C8orf34: variants seen among roughly 807,000 people sequenced by gnomAD.
C8orf34 encodes the protein chromosome 8 open reading frame 34.
In C8orf34, 65 loss-of-function variants were observed where a neutral mutation model predicts 68.3. The observed-to-expected ratio is 0.95, with a 90% CI of 0.78 to 1.17. The LOEUF (loss-of-function observed/expected upper bound fraction) is 1.17. Among genes scored for constraint, C8orf34 ranks in the 50% most tolerant of loss-of-function variants. The probability of loss-of-function intolerance (pLI) is 0.00; values close to 1 mark genes in which losing one functional copy is unlikely to be tolerated. For missense variants in C8orf34, 664 were observed against 655.4 expected, an observed-to-expected ratio of 1.01 and a Z score of -0.14; for synonymous variants, 244 against 241.2, an observed-to-expected ratio of 1.01 and a Z score of -0.11.
At chr8:68,556,907 C>G (rs199973392) in intron 7 of C8orf34, among the ~76,000 whole-genome samples, 1 of 152,020 alleles carries the variant, frequency 6.6e-6, no homozygotes, top group African/African-American at 2.4e-5. Flanking sequence ...CATTCTTTCA[C>G]AAACCATATT....
chr8:68,780,042 CACTT>C (rs1311450873), intron 11 of C8orf34, among the ~76,000 whole-genome samples: 5 of 152,096 alleles, frequency 3.3e-5, no homozygotes, highest in East Asian at 1.9e-4. Context: ...ATTAAACCCT[CACTT>C]ACATAGTCAT....
At chr8:68,590,840 A>G (rs1027554940) in intron 7 of C8orf34, among the ~76,000 whole-genome samples, 8 of 152,146 alleles carry the variant, frequency 5.3e-5, no homozygotes, top group African/African-American at 1.7e-4. Flanking sequence ...CTGGCCAGCG[A>G]TATCAGGGAT....
intron 3 of C8orf34, among the ~76,000 whole-genome samples, chr8:68,463,786 G>A (rs1042229307): frequency 2.6e-5 from 4 of 152,078 alleles, no homozygotes; most frequent in African/African-American, 9.7e-5. Context: ...TTGATGGGAC[G>A]TATCTCAAAA....
chr8:68,430,126 T>C (rs1810392078), intron 1 of C8orf34, among the ~76,000 whole-genome samples: 2 of 152,014 alleles, frequency 1.3e-5, no homozygotes, highest in African/African-American at 4.8e-5. Flanking sequence ...CAATCACCAA[T>C]GGCCAATGAT....
intron 1 of C8orf34, among the ~76,000 whole-genome samples, chr8:68,365,037 G>A (rs1445199136): frequency 1.3e-5 from 2 of 150,888 alleles, no homozygotes; most frequent in Non-Finnish European, 3.0e-5. Context: ...GAATCAAATA[G>A]ACACAATAAA....
chr8:68,558,181 C>T (rs1392640900), intron 7 of C8orf34, among the ~76,000 whole-genome samples: 3 of 151,902 alleles, frequency 2.0e-5, no homozygotes, highest in African/African-American at 7.3e-5. Flanking sequence ...TTATATTAAC[C>T]CTCAGCATTT....
chr8:68,692,199 A>G (rs1435738508), intron 8 of C8orf34, among the ~76,000 whole-genome samples: 14 of 152,026 alleles, frequency 9.2e-5, no homozygotes, highest in Non-Finnish European at 1.0e-4. Flanking sequence ...AAGAGAAGGA[A>G]CTACAAGGAG....
At chr8:68,702,935 G>A (rs1225050207) in intron 8 of C8orf34, among the ~76,000 whole-genome samples, 1 of 152,010 alleles carries the variant, frequency 6.6e-6, no homozygotes, top group Non-Finnish European at 1.5e-5. Context: ...CTGCTACTTG[G>A]TCCTATTTTC....
At chr8:68,471,880 T>C (rs1451093098) in intron 4 of C8orf34, among the ~76,000 whole-genome samples, 1 of 151,600 alleles carries the variant, frequency 6.6e-6, no homozygotes, top group African/African-American at 2.4e-5. Context: ...CTCAAAATGA[T>C]AGTTATTTCA....
chr8:68,419,839 A>C (rs2591023), intron 1 of C8orf34, among the ~76,000 whole-genome samples: 2 of 94,346 alleles, frequency 2.1e-5, no homozygotes, highest in Non-Finnish European at 4.0e-5. Context: ...GGGGTGGGGG[A>C]AGGGGGGAGG....
chr8:68,519,639 T>C (rs1867635), intron 5 of C8orf34, among the ~76,000 whole-genome samples: 3,265 of 152,270 alleles, frequency 0.021, 124 homozygotes, highest in African/African-American at 0.074. Flanking sequence ...TTTATGATTA[T>C]TGATTTTCAT....
intron 12 of C8orf34, among the ~76,000 whole-genome samples, chr8:68,793,101 T>C (rs978838330): frequency 2.6e-5 from 4 of 152,110 alleles, no homozygotes; most frequent in African/African-American, 9.7e-5. Flanking sequence ...TAATGGAAAG[T>C]TTTAATTCTC....
intron 9 of C8orf34, among the ~76,000 whole-genome samples, chr8:68,718,612 T>G (rs1483482175): frequency 6.6e-6 from 1 of 152,202 alleles, no homozygotes; most frequent in Non-Finnish European, 1.5e-5. Flanking sequence ...TATTGTGAGT[T>G]TATGTCAACT....
At chr8:68,668,051 CAG>C (rs1216289158) in intron 8 of C8orf34, among the ~76,000 whole-genome samples, 3 of 151,998 alleles carry the variant, frequency 2.0e-5, no homozygotes, top group Non-Finnish European at 2.9e-5. Flanking sequence ...ATTGACAGCT[CAG>C]AAATTCTAGA....
intron 1 of C8orf34, among the ~76,000 whole-genome samples, chr8:68,421,098 T>G (rs1242280352): frequency 6.6e-6 from 1 of 152,118 alleles, no homozygotes; most frequent in East Asian, 1.9e-4. Flanking sequence ...AAAAACCACA[T>G]GTAAACATAT....
chr8:68,518,576 A>C lies in C8orf34; in HGVS notation c.766-3223A>C, dbSNP rs146112496. Among the ~76,000 whole-genome samples the C allele has an allele frequency of 2.0e-5, 3 of 152,238 alleles. No individual in the cohort carries two copies. In the East Asian group the frequency reaches 5.8e-4, roughly 29 times the overall value. ...TCATAGTCCAAGGTAGATTTTGTGAACATTCTGTTGTTGGCTTTTGATTTA... is the reference window on the plus strand; with the variant it reads ...TCATAGTCCAAGGTAGATTTTGTGACCATTCTGTTGTTGGCTTTTGATTTA... On this transcript the variant is annotated intron_variant, in intron 5 of 13. Transcript: ENST00000518698.
intron 3 of C8orf34, among the ~76,000 whole-genome samples, chr8:68,461,224 G>C (rs1811807142): frequency 6.6e-6 from 1 of 152,214 alleles, no homozygotes; most frequent in African/African-American, 2.4e-5. Context: ...AATGAAGTGA[G>C]AAGGGAAATT....
chr8:68,468,737 C>T lies in C8orf34; in HGVS notation c.653C>T (p.Pro218Leu). The T allele has an allele frequency of 6.2e-7, 1 of 1,612,730 alleles. No homozygotes were observed. Among genetic ancestry groups the T allele is most frequent in the Non-Finnish European group, 8.5e-7 (1 of 1,179,218 alleles). The change falls in exon 4 of 14, where the codon CCA (proline) becomes CTA (leucine). Residue 218 changes from proline (P) to leucine (L), a missense_variant. Physicochemically the swap from Pro to Leu is moderately conservative, Grantham distance 98 (BLOSUM62 -3). Coordinates refer to ENST00000518698, the MANE Select transcript of C8orf34 (RefSeq NM_052958.4). ...EHPKWNWRTK[P>L]QSRDFDELNH... is the part of the protein sequence containing the mutation. ...CCAAAGTGGAACTGGAGGACTAAAC[C>T]ACAAAGCCGTGATTTTGATGAATTG... is the stretch of plus-strand genomic sequence containing the variant.
chr8:68,765,306 C>T (rs890786157), intron 10 of C8orf34, among the ~76,000 whole-genome samples: 1 of 152,196 alleles, frequency 6.6e-6, no homozygotes, highest in Non-Finnish European at 1.5e-5. Flanking sequence ...AGTTTAAACA[C>T]CTTTGTTTGA....
Sources: allele counts gnomAD v4.1 joint callset (sites outside exome capture counted in the v4.1 genomes callset), GRCh38; gene constraint gnomAD v4.1.1; transcripts MANE v1.5; gene names NCBI Gene and HGNC (gene_info 2026-07-23, HGNC 2026-07-21).